DOCK4: variants seen among roughly 807,000 people sequenced by gnomAD.
DOCK4 encodes dedicator of cytokinesis 4.
A neutral mutation model predicts 268.1 loss-of-function variants in DOCK4; 97 were observed. The observed-to-expected ratio is 0.36, with a 90% CI of 0.31 to 0.43. The LOEUF is 0.43. Among genes scored for constraint, DOCK4 ranks in the 20% least tolerant of loss-of-function variants. DOCK4 has a pLI of 1.00. For synonymous variants in DOCK4, 954 were observed against 887.2 expected (o/e 1.08, Z -1.34); for missense variants, 2,145 against 2,455.7 (o/e 0.87, Z 2.67).
rs57281879 is a variant in DOCK4, at chr7:111,912,744, G to A, written c.1192+3035C>T. On this transcript the variant is annotated intron_variant, in intron 13 of 52. Transcript: ENST00000428084. ...ACAAAGAAATAGATAGGTATAGACA[G>A]AACCAAGGCTTGTTGAAGATAACCC... Among the ~76,000 whole-genome samples, 1,004 of 152,240 alleles carry A rather than the reference G, an allele frequency of 6.6e-3. 10 individuals carry two copies. Among genetic ancestry groups the A allele is most frequent in the African/African-American group, 0.022 (907 of 41,560 alleles).
intron 1 of DOCK4, among the ~76,000 whole-genome samples, chr7:112,121,378 G>T (rs75676150): frequency 6.6e-6 from 1 of 152,130 alleles, no homozygotes; most frequent in Non-Finnish European, 1.5e-5. Context: ...TGTGTTCTGC[G>T]GAGCACAGGC....
chr7:111,956,669 CCTAT>C (rs1025032285), intron 8 of DOCK4, among the ~76,000 whole-genome samples: 6 of 152,034 alleles, frequency 3.9e-5, no homozygotes, highest in African/African-American at 7.2e-5. Context: ...TGACTATTCC[CCTAT>C]CTATTTCTTT....
chr7:112,168,017 G>T (rs370336913), intron 1 of DOCK4, among the ~76,000 whole-genome samples: 46 of 150,980 alleles, frequency 3.0e-4, no homozygotes, highest in African/African-American at 1.1e-3. Context: ...TCGATTTTTT[G>T]GAATCATTGA....
At chr7:112,066,681 A>G (rs868765618) in intron 1 of DOCK4, among the ~76,000 whole-genome samples, 541 of 16,282 alleles carry the variant, frequency 0.033, 47 homozygotes, top group African/African-American at 0.16. Context: ...ATATACATAT[A>G]TACATATACA....
chr7:112,132,326 C>T lies in DOCK4; in HGVS notation c.37+73776G>A, dbSNP rs759564818. 1.2e-4 allele frequency among the ~76,000 whole-genome samples: 18 copies of T among 151,966 alleles called. 1 individual carries two copies. Among genetic ancestry groups the T allele is most frequent in the Non-Finnish European group, 1.5e-4 (10 of 67,994 alleles). On this transcript the variant is annotated intron_variant, in intron 1 of 52. Transcript: ENST00000428084. ...TTCATCACAGTTAATGAAGCAGAAA[C>T]GAATCCTTTTGCCATCTCAAAAGGA... is the stretch of plus-strand genomic sequence containing the variant.
intron 36 of DOCK4, among the ~76,000 whole-genome samples, chr7:111,774,272 C>T (rs910785189): frequency 3.3e-5 from 5 of 152,092 alleles, no homozygotes; most frequent in Non-Finnish European, 7.4e-5. Context: ...CGAGATCAGC[C>T]TGGCCAACGT....
chr7:111,738,406 C>CT lies in DOCK4; in HGVS notation c.5232+727dup, dbSNP rs1264726123. ...TCGATTGCAGCTCTTTTAAATAGGT[C>CT]TAGGCAAAGGCAAAGACTGCTGGGC... On this transcript the variant is annotated intron_variant, in intron 49 of 52. Coordinates refer to ENST00000428084, the MANE Select transcript of DOCK4 (RefSeq NM_001363540.2). Among the ~76,000 whole-genome samples, 5 of 152,172 alleles carry CT rather than the reference C, an allele frequency of 3.3e-5. No homozygotes were observed. The South Asian group carries it at 8.3e-4, about 25-fold the overall frequency.
intron 1 of DOCK4, among the ~76,000 whole-genome samples, chr7:112,062,689 G>A (rs1806534905): frequency 6.6e-6 from 1 of 152,054 alleles, no homozygotes; most frequent in Non-Finnish European, 1.5e-5. Context: ...TTACTTTTTT[G>A]TTGTTGTTTA....
intron 42 of DOCK4, among the ~76,000 whole-genome samples, chr7:111,754,505 T>C (rs10243458): frequency 0.012 from 1,843 of 152,302 alleles, 33 homozygotes; most frequent in African/African-American, 0.04. Flanking sequence ...CAGAGAACTA[T>C]GGCAATGAAA....
At chr7:112,078,577 G>A (rs934396833) in intron 1 of DOCK4, among the ~76,000 whole-genome samples, 1 of 152,096 alleles carries the variant, frequency 6.6e-6, no homozygotes, top group Non-Finnish European at 1.5e-5. Flanking sequence ...AGAGTTTGTC[G>A]AGTTTAAGGG....
chr7:111,742,173 T>C (rs1468937161), intron 44 of DOCK4, 41 bp from the exon 45 acceptor site: 1 of 1,522,468 alleles, frequency 6.6e-7, no homozygotes, highest in East Asian at 2.4e-5. Flanking sequence ...CATCAATGAC[T>C]ACCTCTCACT....
intron 1 of DOCK4, among the ~76,000 whole-genome samples, chr7:112,184,737 C>A (rs1447391042): frequency 6.6e-6 from 1 of 152,002 alleles, no homozygotes; most frequent in African/African-American, 2.4e-5. Flanking sequence ...GCTTGTGAAG[C>A]CTTTCTGCTC....
chr7:111,758,567 C>T (rs530140692), intron 41 of DOCK4, 57 bp downstream of exon 41: 175 of 1,584,252 alleles, frequency 1.1e-4, no homozygotes, highest in Admixed American at 3.0e-4. Flanking sequence ...AGGGCTGTGC[C>T]CCAAGGGGCT....
At chr7:112,025,017 G>T (rs926376974) in intron 1 of DOCK4, among the ~76,000 whole-genome samples, 2 of 151,408 alleles carry the variant, frequency 1.3e-5, no homozygotes, top group African/African-American at 4.9e-5. Flanking sequence ...AGTTAAGAAA[G>T]TTAGTTTGCA....
chr7:112,010,816 AT>A (rs2135357605), intron 1 of DOCK4, among the ~76,000 whole-genome samples: 1 of 152,286 alleles, frequency 6.6e-6, no homozygotes, highest in Non-Finnish European at 1.5e-5. Context: ...AAGGTACGTA[AT>A]TGTTTCTGAC....
chr7:111,809,863 T>C (rs1008787244), intron 28 of DOCK4, among the ~76,000 whole-genome samples: 11 of 152,348 alleles, frequency 7.2e-5, no homozygotes, highest in African/African-American at 1.2e-4. Flanking sequence ...TCTTCAGATA[T>C]GCTAATTGCT....
chr7:111,831,638 C>A (rs1050875986), intron 26 of DOCK4, among the ~76,000 whole-genome samples: 1 of 152,068 alleles, frequency 6.6e-6, no homozygotes, highest in African/African-American at 2.4e-5. Flanking sequence ...ATGTGTGCCA[C>A]CATACCCAGC....
intron 34 of DOCK4, among the ~76,000 whole-genome samples, chr7:111,783,457 A>C (rs1798928666): frequency 6.6e-6 from 1 of 152,182 alleles, no homozygotes; most frequent in Admixed American, 6.5e-5. Context: ...CCTTTTTAAG[A>C]GAATATTTAA....
chr7:111,754,012 C>CATT (rs570477950), intron 42 of DOCK4, among the ~76,000 whole-genome samples: 118 of 152,290 alleles, frequency 7.7e-4, no homozygotes, highest in African/African-American at 2.8e-3. Context: ...GGGCTAGGAC[C>CATT]ATTGATGAGA....
Sources: allele counts gnomAD v4.1 joint callset (sites outside exome capture counted in the v4.1 genomes callset), GRCh38; gene constraint gnomAD v4.1.1; transcripts MANE v1.5; gene names NCBI Gene and HGNC (gene_info 2026-07-23, HGNC 2026-07-21).